Variants in NCOA2 observed in about 807,000 individuals in gnomAD.
NCOA2 encodes the protein class E basic helix-loop-helix protein 75.
A neutral mutation model predicts 145.1 loss-of-function variants in NCOA2; 21 were observed. That is an observed-to-expected ratio of 0.14 (90% CI 0.10 to 0.21). NCOA2 has a LOEUF of 0.21. Ranked by LOEUF, NCOA2 falls within the 10% of genes least tolerant of loss-of-function variation. The probability of loss-of-function intolerance (pLI) is 1.00; values close to 1 mark genes in which losing one functional copy is unlikely to be tolerated. For missense variants in NCOA2, 1,472 were observed against 1,837.6 expected (o/e 0.80, Z 3.64); for synonymous variants, 619 against 637.5 (o/e 0.97, Z 0.44).
At chr8:70,232,966 C>T (rs908839184) in intron 2 of NCOA2, among the ~76,000 whole-genome samples, 1 of 151,940 alleles carries the variant, frequency 6.6e-6, no homozygotes, top group Non-Finnish European at 1.5e-5. Context: ...GTAGCTCATG[C>T]CTGTAATCCC....
At chr8:70,119,423 T>C (rs1807526575) in intron 22 of NCOA2, among the ~76,000 whole-genome samples, 1 of 152,256 alleles carries the variant, frequency 6.6e-6, no homozygotes, top group South Asian at 2.1e-4. Context: ...TATTCTACTG[T>C]GTATATGTAC....
chr8:70,380,658 C>T (rs1228354911), intron 1 of NCOA2, among the ~76,000 whole-genome samples: 1 of 152,046 alleles, frequency 6.6e-6, no homozygotes, highest in Non-Finnish European at 1.5e-5. Flanking sequence ...ATTCTCCAAG[C>T]CTAATTGCAC....
At chr8:70,224,316 T>C (rs1820415240) in intron 2 of NCOA2, among the ~76,000 whole-genome samples, 1 of 152,262 alleles carries the variant, frequency 6.6e-6, no homozygotes, top group South Asian at 2.1e-4. Flanking sequence ...CCTTTTCTTC[T>C]GTTTCAGAAA....
chr8:70,277,715 A>G (rs1034661526), intron 2 of NCOA2, among the ~76,000 whole-genome samples: 1 of 152,170 alleles, frequency 6.6e-6, no homozygotes, highest in Non-Finnish European at 1.5e-5. Context: ...CAGGGTACTC[A>G]CTGTCATTTT....
the NCOA2 span, among the ~76,000 whole-genome samples, chr8:70,417,266 A>AAAAAAAT: frequency 6.8e-6 from 1 of 146,084 alleles, no homozygotes; most frequent in Admixed American, 6.8e-5. Flanking sequence ...AAAAAAAAAA[A>AAAAAAAT]GGCCAGGCGC....
intron 1 of NCOA2, among the ~76,000 whole-genome samples, chr8:70,347,410 A>G (rs1166650224): frequency 1.3e-5 from 2 of 151,692 alleles, no homozygotes; most frequent in Non-Finnish European, 2.9e-5. Flanking sequence ...ACTTGAACCC[A>G]GGGGGCGGAG....
rs1806412712 is a variant in NCOA2 at position 70,110,099 on chromosome 8, T to C, written c.*3533A>G. 1 of 197,178 alleles carries C rather than the reference T, an allele frequency of 5.1e-6. No homozygotes were observed. Among genetic ancestry groups the C allele is most frequent in the Admixed American group, 6.1e-5 (1 of 16,510 alleles). The allele number at this position is 197,178 out of a possible 1,614,324, so 12.2% of individuals were successfully genotyped here. ...ATTGCTTAATTTTACCCTTGTATAATCTTTTCATATACACACATCTCAGAT... is the reference window on the plus strand; with the variant it reads ...ATTGCTTAATTTTACCCTTGTATAACCTTTTCATATACACACATCTCAGAT... On this transcript the variant is annotated 3_prime_UTR_variant, in exon 23 of 23. Coordinates refer to ENST00000452400, the MANE Select transcript of NCOA2 (RefSeq NM_006540.4).
intron 1 of NCOA2, among the ~76,000 whole-genome samples, chr8:70,379,019 G>A (rs139748926): frequency 4.6e-5 from 7 of 152,232 alleles, no homozygotes; most frequent in Middle Eastern, 3.4e-3. Context: ...TATGCTTGAT[G>A]CCTTCCTCTC....
chr8:70,187,852 A>G (rs1816248152), intron 4 of NCOA2, among the ~76,000 whole-genome samples: 1 of 152,258 alleles, frequency 6.6e-6, no homozygotes, highest in African/African-American at 2.4e-5. Flanking sequence ...TTTCAATTTA[A>G]TTATCCTACA....
At chr8:70,291,830 T>C (rs907880138) in intron 2 of NCOA2, among the ~76,000 whole-genome samples, 14 of 152,160 alleles carry the variant, frequency 9.2e-5, no homozygotes, top group African/African-American at 3.1e-4. Flanking sequence ...GCGGGCGCAG[T>C]GGCTCACGCC....
Position 70,377,064 on chromosome 8 carries a change from GTT to G in NCOA2, c.-77+26634_-77+26635del, listed in dbSNP as rs11285597. 3.7e-3 allele frequency among the ~76,000 whole-genome samples: 539 copies of G among 146,932 alleles called. 4 individuals are homozygous for G. Among genetic ancestry groups the G allele is most frequent in the African/African-American group, 1.0e-2 (394 of 39,482 alleles). Reference sequence around the variant, plus strand: ...TGTAGTAAATGTGCTTATACGTTGTGTTTTTTTTTTTCTATACACTAAGACTA... The same window carrying G: ...TGTAGTAAATGTGCTTATACGTTGTGTTTTTTTTTCTATACACTAAGACTA... On this transcript the variant is annotated intron_variant, in intron 1 of 22. Coordinates refer to ENST00000452400, the MANE Select transcript of NCOA2 (RefSeq NM_006540.4).
the NCOA2 span, among the ~76,000 whole-genome samples, chr8:70,436,171 T>G: frequency 6.6e-6 from 1 of 152,184 alleles, no homozygotes; most frequent in African/African-American, 2.4e-5. Flanking sequence ...AGGCATGCAT[T>G]TTATTTCCAT....
At chr8:70,284,660 A>T (rs982772284) in intron 2 of NCOA2, among the ~76,000 whole-genome samples, 2 of 152,164 alleles carry the variant, frequency 1.3e-5, no homozygotes, top group African/African-American at 4.8e-5. Context: ...GATGGTATAT[A>T]CAAATGAGGG....
intron 2 of NCOA2, among the ~76,000 whole-genome samples, chr8:70,237,593 T>C (rs1248166734): frequency 6.6e-6 from 1 of 151,928 alleles, no homozygotes; most frequent in Non-Finnish European, 1.5e-5. Context: ...TGAGACTCTG[T>C]ATCTACAAAA....
chr8:70,423,464 C>G, the NCOA2 span, among the ~76,000 whole-genome samples: 1 of 152,072 alleles, frequency 6.6e-6, no homozygotes, highest in Admixed American at 6.6e-5. Flanking sequence ...ATTGAGCCAC[C>G]GCGCCTGGGC....
rs376742348 is a variant in NCOA2, at chr8:70,309,311, AATAG to A, written c.-76-12515_-76-12512del. 2.8e-3 allele frequency among the ~76,000 whole-genome samples: 423 copies of A among 152,184 alleles called. 5 individuals are homozygous for A. Among genetic ancestry groups the A allele is most frequent in the African/African-American group, 9.8e-3 (407 of 41,522 alleles). ...TTAATAATAAATTATTGTTTTAAAC[AATAG>A]ATAGATCACCAGAACAAAAATGAAT... On this transcript the variant is annotated intron_variant, in intron 1 of 22. Transcript: ENST00000452400.
chr8:70,309,423 A>G (rs576526033), intron 1 of NCOA2, among the ~76,000 whole-genome samples: 77 of 148,896 alleles, frequency 5.2e-4, no homozygotes, highest in African/African-American at 1.7e-3. Context: ...GAATGGCAAC[A>G]AACACAAAAA....
At chr8:70,288,537 C>A (rs1209761079) in intron 2 of NCOA2, among the ~76,000 whole-genome samples, 4 of 151,540 alleles carry the variant, frequency 2.6e-5, no homozygotes, top group African/African-American at 9.7e-5. Context: ...GCGGAGATTG[C>A]GCCACTGCAC....
At chr8:70,363,286 G>A (rs1021943422) in intron 1 of NCOA2, among the ~76,000 whole-genome samples, 20 of 151,750 alleles carry the variant, frequency 1.3e-4, no homozygotes, top group African/African-American at 4.8e-4. Flanking sequence ...GGGAGGCTGA[G>A]GCAAAAGAAT....
Sources: allele counts gnomAD v4.1 joint callset (sites outside exome capture counted in the v4.1 genomes callset), GRCh38; gene constraint gnomAD v4.1.1; transcripts MANE v1.5; gene names NCBI Gene and HGNC (gene_info 2026-07-23, HGNC 2026-07-21).